PGCKA1: variants seen among roughly 807,000 people sequenced by gnomAD.
PGCKA1 encodes PDCD10 and GCKIII kinases associated 1.
At chr4:37,582,992 G>T in the PGCKA1 span, among the ~76,000 whole-genome samples, 155 of 152,144 alleles carry the variant, frequency 1.0e-3, no homozygotes, top group African/African-American at 3.6e-3. Flanking sequence ...AGTATTTCTC[G>T]TATGTTTGTT....
chr4:37,534,963 C>A, the PGCKA1 span, among the ~76,000 whole-genome samples: 4 of 152,188 alleles, frequency 2.6e-5, no homozygotes, highest in Admixed American at 1.3e-4. Context: ...GAATGCCTAT[C>A]ATATACTAGG....
At chr4:37,498,143 C>G in the PGCKA1 span, among the ~76,000 whole-genome samples, 6 of 152,114 alleles carry the variant, frequency 3.9e-5, no homozygotes, top group Admixed American at 1.3e-4. Context: ...GCCAATTATC[C>G]AAGCACCATT....
At chr4:37,493,279 A>G in the PGCKA1 span, among the ~76,000 whole-genome samples, 1 of 152,228 alleles carries the variant, frequency 6.6e-6, no homozygotes, top group South Asian at 2.1e-4. Context: ...AGGTCCAACA[A>G]CATGTAATTA....
the PGCKA1 span, among the ~76,000 whole-genome samples, chr4:37,585,674 C>T: frequency 6.6e-6 from 1 of 151,358 alleles, no homozygotes; most frequent in African/African-American, 2.4e-5. Flanking sequence ...TGCTTCTTCT[C>T]GCCTGTCCTA....
chr4:37,481,783 C>T, the PGCKA1 span, among the ~76,000 whole-genome samples: 4 of 152,144 alleles, frequency 2.6e-5, no homozygotes, highest in African/African-American at 9.7e-5. Context: ...GGCTGTGTCG[C>T]CACCCAAATG....
chr4:37,502,476 C>T, the PGCKA1 span, among the ~76,000 whole-genome samples: 2 of 152,140 alleles, frequency 1.3e-5, no homozygotes, highest in Non-Finnish European at 2.9e-5. Context: ...GTGTTTTCCA[C>T]TACCACTCTG....
chr4:37,487,845 GTTTC>G, the PGCKA1 span, among the ~76,000 whole-genome samples: 2 of 152,014 alleles, frequency 1.3e-5, no homozygotes, highest in African/African-American at 2.4e-5. Flanking sequence ...GATGTTGCAT[GTTTC>G]TTTTTCTTTT....
chr4:37,487,967 A>G, the PGCKA1 span, among the ~76,000 whole-genome samples: 1 of 151,954 alleles, frequency 6.6e-6, no homozygotes, highest in South Asian at 2.1e-4. Flanking sequence ...GGACATTTGG[A>G]TTATTTCAGT....
the PGCKA1 span, among the ~76,000 whole-genome samples, chr4:37,517,768 A>G: frequency 2.0e-5 from 3 of 152,326 alleles, no homozygotes; most frequent in Admixed American, 2.0e-4. Context: ...ATCCAATTAC[A>G]TTTTTAAAAG....
the PGCKA1 span, among the ~76,000 whole-genome samples, chr4:37,498,403 A>G: frequency 6.6e-6 from 1 of 152,228 alleles, no homozygotes; most frequent in South Asian, 2.1e-4. Flanking sequence ...TTTTGGTTCC[A>G]TATGAATTTT....
the PGCKA1 span, among the ~76,000 whole-genome samples, chr4:37,518,961 G>A: frequency 6.6e-6 from 1 of 152,300 alleles, no homozygotes; most frequent in African/African-American, 2.4e-5. Context: ...CAAGAGATAA[G>A]GATTTAGTTT....
At chr4:37,538,172 G>A in the PGCKA1 span, among the ~76,000 whole-genome samples, 1 of 152,132 alleles carries the variant, frequency 6.6e-6, no homozygotes, top group African/African-American at 2.4e-5. Flanking sequence ...CCAGTGAAGA[G>A]TCTTATGGTT....
chr4:37,589,015 T>C, the PGCKA1 span: 15 of 734,314 alleles, frequency 2.0e-5, no homozygotes, highest in Non-Finnish European at 3.4e-5. Context: ...TGATCAACAT[T>C]GCCAACACAT....
the PGCKA1 span, among the ~76,000 whole-genome samples, chr4:37,531,058 A>G: frequency 1.3e-5 from 2 of 152,202 alleles, no homozygotes; most frequent in Non-Finnish European, 2.9e-5. Context: ...ACTGACATAT[A>G]TGTGTCCAGA....
chr4:37,520,490 T>G, the PGCKA1 span, among the ~76,000 whole-genome samples: 7 of 152,372 alleles, frequency 4.6e-5, no homozygotes, highest in African/African-American at 1.7e-4. Flanking sequence ...CTTGGTAGAT[T>G]GTATATATTT....
At chr4:37,590,021 C>A in the PGCKA1 span, 1 of 1,105,816 alleles carries the variant, frequency 9.0e-7, no homozygotes, top group Non-Finnish European at 1.3e-6. Flanking sequence ...TAGAAAGAAG[C>A]AGGGCCTGTG....
the PGCKA1 span, among the ~76,000 whole-genome samples, chr4:37,507,448 T>A: frequency 6.6e-6 from 1 of 152,152 alleles, no homozygotes; most frequent in Admixed American, 6.5e-5. Flanking sequence ...CCATTGTATG[T>A]TTTTTGACTT....
At chr4:37,569,827 G>A in the PGCKA1 span, among the ~76,000 whole-genome samples, 1 of 152,128 alleles carries the variant, frequency 6.6e-6, no homozygotes, top group Non-Finnish European at 1.5e-5. Context: ...GCCTTTTCCA[G>A]GGAGAAAACC....
chr4:37,554,501 C>G, the PGCKA1 span, among the ~76,000 whole-genome samples: 1 of 152,126 alleles, frequency 6.6e-6, no homozygotes, highest in Admixed American at 6.5e-5. Context: ...GCATGTGCCA[C>G]CACGCCTGGC....
Sources: allele counts gnomAD v4.1 joint callset (sites outside exome capture counted in the v4.1 genomes callset), GRCh38; gene constraint gnomAD v4.1.1; transcripts MANE v1.5; gene names NCBI Gene and HGNC (gene_info 2026-07-23, HGNC 2026-07-21).